The following GNAO1 variants were observed in gnomAD, a reference collection of about 807,000 sequenced individuals.
GNAO1 encodes the protein guanine nucleotide-binding protein G(o) subunit alpha.
For missense variants in GNAO1, 166 were observed against 478.7 expected, an observed-to-expected ratio of 0.35 and a Z score of 6.10; for synonymous variants, 164 against 180.7, an observed-to-expected ratio of 0.91 and a Z score of 0.74.
At chr16:56,250,040 C>T (rs2032925) in intron 2 of GNAO1, among the ~76,000 whole-genome samples, 71,173 of 151,896 alleles carry the variant, frequency 0.47, 16,880 homozygotes, top group East Asian at 0.6. Flanking sequence ...GATGGCTTGG[C>T]CACCAACAGT....
At chr16:56,309,390 T>A (rs1175268193) in intron 3 of GNAO1, among the ~76,000 whole-genome samples, 1 of 152,052 alleles carries the variant, frequency 6.6e-6, no homozygotes, top group Non-Finnish European at 1.5e-5. Flanking sequence ...TGTTGCCAGC[T>A]CTCCCACCCA....
At chr16:56,322,942 C>T (rs926060309) in intron 3 of GNAO1, among the ~76,000 whole-genome samples, 66 of 152,230 alleles carry the variant, frequency 4.3e-4, no homozygotes, top group African/African-American at 1.5e-3. Context: ...CGGTGTGAGG[C>T]CCAGGTACCA....
intron 2 of GNAO1, chr16:56,213,265 T>G: frequency 2.5e-6 from 1 of 398,546 alleles, no homozygotes; most frequent in Non-Finnish European, 4.4e-6. Flanking sequence ...TTTTTCCCAC[T>G]CTGCAGATAT....
chr16:56,292,095 C>T (rs1242937616), intron 3 of GNAO1, among the ~76,000 whole-genome samples: 1 of 152,200 alleles, frequency 6.6e-6, no homozygotes, highest in African/African-American at 2.4e-5. Context: ...CATTGCTCCA[C>T]ATTCCCCATC....
chr16:56,241,584 T>C (rs925069270), intron 2 of GNAO1, among the ~76,000 whole-genome samples: 1 of 152,222 alleles, frequency 6.6e-6, no homozygotes, highest in Non-Finnish European at 1.5e-5. Context: ...AAGGCAACAA[T>C]GTAAAATTTC....
chr16:56,213,593 A>G (rs1156470547), intron 2 of GNAO1, among the ~76,000 whole-genome samples: 3 of 152,088 alleles, frequency 2.0e-5, no homozygotes, highest in African/African-American at 7.2e-5. Context: ...GATCCTCCCA[A>G]GTGGCTGAGA....
rs201729275 is a variant in GNAO1 at position 56,294,964 on chromosome 16, GTCT to G, written c.303+18897_303+18899del. Among the ~76,000 whole-genome samples, 927 of 152,174 alleles carry G rather than the reference GTCT, an allele frequency of 6.1e-3. 2 individuals carry two copies. The highest frequency in any genetic ancestry group is 9.6e-3 in the Non-Finnish European group (653 of 67,988). On this transcript the variant is annotated intron_variant, in intron 3 of 8. Coordinates refer to ENST00000262493, the MANE Select transcript of GNAO1 (RefSeq NM_020988.3). ...ATTCTTCCCTTTTATTGGGTTGTTT[GTCT>G]TCTTATTAATGAGTTTTAAGATTTT...
At chr16:56,338,544 C>CT (rs2037765260) in intron 6 of GNAO1, among the ~76,000 whole-genome samples, 1 of 152,210 alleles carries the variant, frequency 6.6e-6, no homozygotes, top group East Asian at 1.9e-4. Flanking sequence ...CTTGGCTCAT[C>CT]TTTTTTCCCC....
chr16:56,280,373 G>A (rs2143532253), intron 3 of GNAO1, among the ~76,000 whole-genome samples: 1 of 152,338 alleles, frequency 6.6e-6, no homozygotes, highest in South Asian at 2.1e-4. Flanking sequence ...GAGGCCAGTG[G>A]GCAGAACAGA....
chr16:56,320,250 C>T (rs548771923), intron 3 of GNAO1, among the ~76,000 whole-genome samples: 1 of 152,212 alleles, frequency 6.6e-6, no homozygotes, highest in South Asian at 2.1e-4. Flanking sequence ...TGAGGGTGGG[C>T]GGGTTGCTCT....
chr16:56,322,411 C>T (rs2037583608), intron 3 of GNAO1, among the ~76,000 whole-genome samples: 1 of 152,196 alleles, frequency 6.6e-6, no homozygotes, highest in African/African-American at 2.4e-5. Context: ...CCAGGAGGAG[C>T]CTTGGATGGG....
intron 3 of GNAO1, among the ~76,000 whole-genome samples, chr16:56,299,645 C>T (rs1176656533): frequency 1.3e-5 from 2 of 152,206 alleles, no homozygotes; most frequent in Admixed American, 6.5e-5. Context: ...CTAAAAGCCT[C>T]CTGATCACTG....
At chr16:56,222,160 TG>T (rs1191610057) in intron 2 of GNAO1, among the ~76,000 whole-genome samples, 1 of 151,956 alleles carries the variant, frequency 6.6e-6, no homozygotes, top group Non-Finnish European at 1.5e-5. Context: ...GGCATGCCCC[TG>T]AGAGTCTATG....
intron 3 of GNAO1, among the ~76,000 whole-genome samples, chr16:56,282,847 G>A (rs1333799267): frequency 6.6e-6 from 1 of 152,206 alleles, no homozygotes; most frequent in African/African-American, 2.4e-5. Context: ...TGATTAAGGA[G>A]CAAGCCTTTG....
intron 3 of GNAO1, among the ~76,000 whole-genome samples, chr16:56,327,493 T>C (rs2037647080): frequency 6.6e-6 from 1 of 152,098 alleles, no homozygotes. Context: ...GGGGAGGTTC[T>C]GAGGACGGAG....
At chr16:56,274,696 T>G (rs2143517890) in intron 2 of GNAO1, among the ~76,000 whole-genome samples, 1 of 152,364 alleles carries the variant, frequency 6.6e-6, no homozygotes. Context: ...TCCATTTATA[T>G]GAACTGTCCA....
intron 3 of GNAO1, among the ~76,000 whole-genome samples, chr16:56,282,257 A>T (rs1433497801): frequency 6.6e-6 from 1 of 152,204 alleles, no homozygotes; most frequent in African/African-American, 2.4e-5. Flanking sequence ...AATGATCCTG[A>T]TACCTCCCTC....
intron 3 of GNAO1, among the ~76,000 whole-genome samples, chr16:56,284,734 G>A (rs2037148938): frequency 6.6e-6 from 1 of 152,164 alleles, no homozygotes; most frequent in Non-Finnish European, 1.5e-5. Context: ...GTGCTAGCAG[G>A]GGTCAGTGAA....
At chr16:56,232,952 T>C (rs2036604714) in intron 2 of GNAO1, among the ~76,000 whole-genome samples, 1 of 152,194 alleles carries the variant, frequency 6.6e-6, no homozygotes, top group Admixed American at 6.5e-5. Context: ...AACATGCCCC[T>C]TACTCAAATG....
Sources: gnomAD v4.1 joint callset for allele counts (sites outside exome capture counted in the v4.1 genomes callset) on GRCh38, gnomAD v4.1.1 for gene constraint, MANE v1.5 for transcripts, NCBI Gene and HGNC (gene_info 2026-07-23, HGNC 2026-07-21) for gene names.